PPP3CA: variants seen among roughly 807,000 people sequenced by gnomAD.
The protein encoded by PPP3CA is protein phosphatase 3 catalytic subunit alpha.
In PPP3CA, 14 loss-of-function variants were observed where a neutral mutation model predicts 66.5. The ratio of observed to expected loss-of-function variants is 0.21; its 90% CI spans 0.14 to 0.33. PPP3CA has a LOEUF of 0.33. PPP3CA is among the 10% of genes least tolerant of loss of function. The pLI is 1.00. For missense variants in PPP3CA, 317 were observed against 639.5 expected (o/e 0.50, Z 5.44); for synonymous variants, 232 against 226.2 (o/e 1.03, Z -0.23).
At chr4:101,258,021 T>C (rs1460666266) in intron 1 of PPP3CA, among the ~76,000 whole-genome samples, 1 of 152,016 alleles carries the variant, frequency 6.6e-6, no homozygotes, top group Non-Finnish European at 1.5e-5. Context: ...CCAAAAACTA[T>C]CTGCTGCAAA....
At chr4:101,100,647 T>C (rs1427571724) in intron 3 of PPP3CA, among the ~76,000 whole-genome samples, 3 of 152,258 alleles carry the variant, frequency 2.0e-5, no homozygotes, top group South Asian at 2.1e-4. Flanking sequence ...TAAGAATCCA[T>C]AGGGAACAGA....
chr4:101,026,209 AAC>A, intron 13 of PPP3CA, 148 bp from the exon 14 acceptor site: 1 of 615,656 alleles, frequency 1.6e-6, no homozygotes, highest in East Asian at 2.9e-5. Flanking sequence ...CACACCACAC[AAC>A]AGACTCCTTA....
At chr4:101,148,202 C>G (rs1560627038) in intron 2 of PPP3CA, among the ~76,000 whole-genome samples, 1 of 151,956 alleles carries the variant, frequency 6.6e-6, no homozygotes, top group African/African-American at 2.4e-5. Context: ...AAAATGTTTC[C>G]TTTGAGCTAG....
At chr4:101,332,112 G>A (rs1352424528) in intron 1 of PPP3CA, among the ~76,000 whole-genome samples, 3 of 152,176 alleles carry the variant, frequency 2.0e-5, no homozygotes, top group East Asian at 3.8e-4. Context: ...TGGGATGGGT[G>A]GTGGTGACAT....
chr4:101,032,396 T>TTTAA (rs1326916950), intron 11 of PPP3CA, 32 bp from the exon 12 acceptor site: 16 of 1,541,568 alleles, frequency 1.0e-5, no homozygotes, highest in Non-Finnish European at 1.2e-5. Context: ...GACATTAACT[T>TTTAA]TTAATTTCTT....
chr4:101,196,222 AT>A (rs1724787580), intron 1 of PPP3CA, 106 bp from the exon 2 acceptor site: 3 of 999,824 alleles, frequency 3.0e-6, no homozygotes, highest in Non-Finnish European at 4.3e-6. Context: ...CTAATATAAT[AT>A]TTTTAGAGTG....
intron 1 of PPP3CA, among the ~76,000 whole-genome samples, chr4:101,341,322 T>C (rs1395412404): frequency 6.6e-6 from 1 of 151,930 alleles, no homozygotes; most frequent in Non-Finnish European, 1.5e-5. Flanking sequence ...GTGGCAATTT[T>C]CAAAAATGTT....
At chr4:101,308,613 CTT>C (rs1237861416) in intron 1 of PPP3CA, among the ~76,000 whole-genome samples, 6 of 152,008 alleles carry the variant, frequency 3.9e-5, no homozygotes, top group Admixed American at 3.9e-4. Flanking sequence ...ACCCAGCTAA[CTT>C]TTTAACTTTT....
intron 10 of PPP3CA, among the ~76,000 whole-genome samples, chr4:101,046,743 T>C (rs891791152): frequency 1.3e-5 from 2 of 152,168 alleles, no homozygotes. Context: ...AGAGTTTCAA[T>C]GTTCCTTCAG....
At chr4:101,283,765 C>T (rs1303171584) in intron 1 of PPP3CA, among the ~76,000 whole-genome samples, 2 of 152,110 alleles carry the variant, frequency 1.3e-5, no homozygotes, top group African/African-American at 4.8e-5. Context: ...CCATTGTTAT[C>T]TGATAAATCC....
At position 101,109,610 on chromosome 4, in the gene PPP3CA, ATGTTATCCAT is replaced by A. The variant is rs1325557711; in HGVS notation, c.260-542_260-533del. The stretch of plus-strand genomic sequence containing the variant: ...AAACCTGCATTTCACTGAATCTAGA[ATGTTATCCAT>A]TGTAAGACACATCATTAGTTTACGT... On this transcript the variant is annotated intron_variant, in intron 2 of 13. Coordinates refer to ENST00000394854, the MANE Select transcript of PPP3CA (RefSeq NM_000944.5). Among the ~76,000 whole-genome samples, 5 of 150,314 alleles carry A rather than the reference ATGTTATCCAT, an allele frequency of 3.3e-5. No homozygotes were observed. In the East Asian group the frequency reaches 1.0e-3, roughly 30 times the overall value.
intron 1 of PPP3CA, among the ~76,000 whole-genome samples, chr4:101,203,266 G>A (rs528936291): frequency 1.1e-4 from 16 of 152,306 alleles, no homozygotes; most frequent in Admixed American, 3.9e-4. Context: ...CGAGGCCGAG[G>A]TGGGCGGATC....
chr4:101,080,064 A>C (rs111807191), intron 8 of PPP3CA, among the ~76,000 whole-genome samples: 1 of 152,238 alleles, frequency 6.6e-6, no homozygotes, highest in African/African-American at 2.4e-5. Context: ...AGAAATAAAC[A>C]TGTACTTGCC....
intron 1 of PPP3CA, among the ~76,000 whole-genome samples, chr4:101,209,715 T>C (rs913061070): frequency 6.6e-6 from 1 of 152,176 alleles, no homozygotes; most frequent in Admixed American, 6.5e-5. Context: ...CCACAAGGTC[T>C]ACCATCACTT....
intron 1 of PPP3CA, among the ~76,000 whole-genome samples, chr4:101,328,428 A>T (rs566694446): frequency 1.3e-5 from 2 of 152,184 alleles, no homozygotes; most frequent in African/African-American, 4.8e-5. Flanking sequence ...TCTCAAAACA[A>T]TTCACATTTG....
chr4:101,103,778 A>T (rs905405866), intron 3 of PPP3CA, among the ~76,000 whole-genome samples: 3 of 152,228 alleles, frequency 2.0e-5, no homozygotes, highest in Admixed American at 1.3e-4. Flanking sequence ...ACAGCTGTGC[A>T]TGCCTCTGTT....
chr4:101,304,932 T>C (rs1162904096), intron 1 of PPP3CA, among the ~76,000 whole-genome samples: 1 of 152,164 alleles, frequency 6.6e-6, no homozygotes, highest in Non-Finnish European at 1.5e-5. Context: ...AGGAAAAACA[T>C]TGAGGACACT....
chr4:101,221,991 T>G (rs1309440756), intron 1 of PPP3CA, among the ~76,000 whole-genome samples: 1 of 151,608 alleles, frequency 6.6e-6, no homozygotes, highest in African/African-American at 2.4e-5. Flanking sequence ...ATCTAACAAA[T>G]ATTTAACTTG....
intron 1 of PPP3CA, among the ~76,000 whole-genome samples, chr4:101,300,274 G>C (rs1728334116): frequency 6.6e-6 from 1 of 152,062 alleles, no homozygotes; most frequent in Admixed American, 6.6e-5. Context: ...ATAAACACTT[G>C]GTATCCAGAA....
Sources: gnomAD v4.1 joint callset for allele counts (sites outside exome capture counted in the v4.1 genomes callset) on GRCh38, gnomAD v4.1.1 for gene constraint, MANE v1.5 for transcripts, NCBI Gene and HGNC (gene_info 2026-07-23, HGNC 2026-07-21) for gene names.